The following CCDC187 variants were observed in gnomAD, a reference collection of about 807,000 sequenced individuals.
CCDC187 encodes the protein coiled-coil domain containing 187.
Under a neutral mutation model 38.0 loss-of-function variants are expected in CCDC187, and 32 were observed. The ratio of observed to expected loss-of-function variants is 0.84; its 90% CI spans 0.64 to 1.13. The LOEUF is 1.13. Ranked by LOEUF, CCDC187 falls within the 50% of genes most tolerant of loss-of-function variation. CCDC187 has a pLI of 0.00. For synonymous variants in CCDC187, 333 were observed against 347.9 expected (o/e 0.96, Z 0.48); for missense variants, 707 against 786.8 (o/e 0.90, Z 1.21).
intron 16 of CCDC187, chr9:136,266,767 G>C (rs886633974): frequency 6.6e-6 from 1 of 152,246 alleles, no homozygotes; most frequent in Non-Finnish European, 1.5e-5. Context: ...AGTTGAAATA[G>C]CCATGTGTGT....
rs1419199133 is a variant in CCDC187, at chr9:136,255,638, C to G, written c.4693+19G>C. The G allele has an allele frequency of 1.0e-6, 1 of 975,002 alleles. No individual in the cohort carries two copies. The highest frequency in any genetic ancestry group is 1.2e-6 in the Non-Finnish European group (1 of 820,782). 60.4% of individuals were successfully genotyped at this position (975,002 alleles called of 1,614,324 possible). A position where few individuals can be genotyped will look rare whatever the true frequency, so the allele number is the denominator to read the frequency against. On this transcript the variant is annotated intron_variant, in intron 25 of 25. Transcript: ENST00000638797. Reference sequence around the variant, plus strand: ...GGGGACTCGATGGCTGAAGGAGGGGCTGGGGGCTGGGGCATTACCTGGGGA... The same window carrying G: ...GGGGACTCGATGGCTGAAGGAGGGGGTGGGGGCTGGGGCATTACCTGGGGA...
intron 5 of CCDC187, 30 bp downstream of exon 5, chr9:136,292,131 G>A (rs1191860266): frequency 2.5e-6 from 1 of 398,598 alleles, no homozygotes; most frequent in African/African-American, 2.1e-5. Flanking sequence ...CAGCAGAGCA[G>A]GACAGAGCCC....
intron 9 of CCDC187, among the ~76,000 whole-genome samples, chr9:136,284,957 G>C (rs878975207): frequency 0.71 from 107,138 of 151,948 alleles, 39,099 homozygotes; most frequent in Non-Finnish European, 0.8. Flanking sequence ...CAGGCGCTGG[G>C]GTAGGGCAGA....
intron 4 of CCDC187, chr9:136,295,998 AG>A (rs1365070174): frequency 6.6e-6 from 1 of 152,154 alleles, no homozygotes; most frequent in African/African-American, 2.4e-5. Flanking sequence ...GTGGCCCCGC[AG>A]CCCCGCTGAG....
rs1010612372 is a variant in CCDC187, at chr9:136,286,107, G to A, written c.2811C>T (p.Ala937=). ...WEQQQSVSPR[A]HCESKPRGFP... ...TACCTCGGGGCTTGCTCTCGCAGTG[G>A]GCCCTCGGGCTCACACTCTGCTGTT... Residue 937 remains alanine, a synonymous_variant, in exon 8 of 26, where the codon GCC becomes GCT. Coordinates refer to ENST00000638797, the MANE Select transcript of CCDC187 (RefSeq NM_001378188.1). 5.0e-6 allele frequency: 2 copies of A among 398,536 alleles called. No individual in the cohort carries two copies. The highest frequency in any genetic ancestry group is 8.8e-6 in the Non-Finnish European group (2 of 225,994). The allele number at this position is 398,536 out of a possible 1,614,324, so 24.7% of individuals were successfully genotyped here. A position where few individuals can be genotyped will look rare whatever the true frequency, so the allele number is the denominator to read the frequency against.
intron 16 of CCDC187, 115 bp downstream of exon 16, chr9:136,267,269 G>C: frequency 1.4e-6 from 1 of 715,278 alleles, no homozygotes; most frequent in Non-Finnish European, 1.7e-6. Flanking sequence ...AAACGCTGTC[G>C]GGGCCACGGG....
chr9:136,273,827 A>G (rs1309403463), intron 14 of CCDC187, among the ~76,000 whole-genome samples: 1 of 152,266 alleles, frequency 6.6e-6, no homozygotes, highest in African/African-American at 2.4e-5. Context: ...CTAGGAATGC[A>G]CAGCAGGTGC....
At chr9:136,263,104 A>G (rs1715373139) in intron 18 of CCDC187, among the ~76,000 whole-genome samples, 1 of 151,436 alleles carries the variant, frequency 6.6e-6, no homozygotes, top group African/African-American at 2.4e-5. Context: ...CCCCACCTGA[A>G]GTCTGGCTCT....
rs782622153 is a variant in CCDC187, at chr9:136,264,762, T to C, written c.3736-964A>G. Among the ~76,000 whole-genome samples the C allele has an allele frequency of 2.8e-5, 3 of 108,938 alleles. No individual in the cohort carries two copies. Among genetic ancestry groups the C allele is most frequent in the Non-Finnish European group, 4.1e-5 (2 of 48,570 alleles). 71.5% of individuals were successfully genotyped at this position (108,938 alleles called of 152,430 possible). On this transcript the variant is annotated intron_variant, in intron 17 of 25. Transcript: ENST00000638797. The surrounding 1 kb of genome is among the most constrained non-coding windows in gnomAD (Gnocchi z 4.3). ...AAGTAGTCCCCCACCCCAGCTCACC[T>C]TTTTTTTTTTTGAAACAAGGTCTCA... is the stretch of plus-strand genomic sequence containing the variant.
rs782781247 is a variant in CCDC187 at position 136,254,535 on chromosome 9, C to T, written c.5293G>A (p.Asp1765Asn). 5 of 985,386 alleles carry T rather than the reference C, an allele frequency of 5.1e-6. No homozygotes were observed. The highest frequency in any genetic ancestry group is 4.7e-5 in the South Asian group (1 of 21,290). The allele number at this position is 985,386 out of a possible 1,614,324, so 61.0% of individuals were successfully genotyped here. Reference protein sequence around the residue: ...SEASSKVWEEDCEEDLPEPCT... With the variant: ...SEASSKVWEENCEEDLPEPCT... Reference sequence around the variant, plus strand: ...GGTTCTGGCAGGTCCTCCTCGCAGTCCTCCTCCCAAACTTTGCTGGAGGCC... The same window carrying T: ...GGTTCTGGCAGGTCCTCCTCGCAGTTCTCCTCCCAAACTTTGCTGGAGGCC... Residue 1765 changes from aspartate (D) to asparagine (N), a missense_variant, in exon 26 of 26, where the codon GAC (aspartate) becomes AAC (asparagine). By Grantham distance (23) the Asp-to-Asn change is conservative (BLOSUM62 1). Transcript: ENST00000638797.
Position 136,254,873 on chromosome 9 carries a change from A to C in CCDC187, c.4955T>G (p.Leu1652Trp). 1 of 985,470 alleles carries C rather than the reference A, an allele frequency of 1.0e-6. No individual in the cohort carries two copies. The highest frequency in any genetic ancestry group is 1.2e-6 in the Non-Finnish European group (1 of 829,960). The allele number at this position is 985,470 out of a possible 1,614,324, so 61.0% of individuals were successfully genotyped here. The change falls in exon 26 of 26, where the codon TTG becomes TGG. Residue 1652 changes from leucine to tryptophan, a missense_variant. Transcript: ENST00000638797. ...TTCGTCTGGGGAGTCTTCAGCTTCC[A>C]AGCTGGGAAGAGAGCTGGAGCTCCC... ...LSGSSSSLPS[L>W]EAEDSPDEGF... is the part of the protein sequence containing the mutation.
intron 4 of CCDC187, among the ~76,000 whole-genome samples, chr9:136,292,835 G>T (rs1831368507): frequency 6.6e-6 from 1 of 152,236 alleles, no homozygotes; most frequent in Non-Finnish European, 1.5e-5. Flanking sequence ...CGGGTGGGCA[G>T]CGGTGAAGGC....
chr9:136,292,639 C>T (rs919779191), intron 4 of CCDC187, among the ~76,000 whole-genome samples: 1 of 152,214 alleles, frequency 6.6e-6, no homozygotes, highest in African/African-American at 2.4e-5. Context: ...GGGCACGCAG[C>T]ACATGTGAAA....
upstream of CCDC187, among the ~76,000 whole-genome samples, chr9:136,304,865 G>A (rs994968065): frequency 6.6e-5 from 10 of 152,370 alleles, no homozygotes; most frequent in African/African-American, 1.9e-4. Context: ...AGTGGCCCCA[G>A]AGAAGGGAGG....
intron 19 of CCDC187, among the ~76,000 whole-genome samples, chr9:136,261,873 A>G (rs1351683383): frequency 1.3e-5 from 2 of 152,250 alleles, no homozygotes; most frequent in Admixed American, 1.3e-4. Flanking sequence ...TCGGCCCTCC[A>G]GGGCCATTTC....
At chr9:136,300,749 C>T (rs1242966771) in intron 2 of CCDC187, among the ~76,000 whole-genome samples, 1 of 152,210 alleles carries the variant, frequency 6.6e-6, no homozygotes, top group East Asian at 1.9e-4. Flanking sequence ...AGACGCCTGC[C>T]ACAACACCTG....
chr9:136,304,867 G>C (rs1464547974), upstream of CCDC187, among the ~76,000 whole-genome samples: 1 of 152,246 alleles, frequency 6.6e-6, no homozygotes, highest in Non-Finnish European at 1.5e-5. Context: ...TGGCCCCAGA[G>C]AAGGGAGGTC....
chr9:136,272,100 A>G (rs1463714621), intron 14 of CCDC187, among the ~76,000 whole-genome samples: 1 of 152,140 alleles, frequency 6.6e-6, no homozygotes, highest in Non-Finnish European at 1.5e-5. Context: ...CAGAGATGAG[A>G]TGAAGGTGTC....
In CCDC187 at chr9:136,260,728, C is replaced by T. The variant is rs144792691; in HGVS notation, c.4065-464G>A. ...ATCTGGGCACAGCTTGTTGCCTCCA[C>T]CCAAGGGTGCCCCTGAGCATTTCCC... On this transcript the variant is annotated intron_variant, in intron 19 of 25. Coordinates refer to ENST00000638797, the MANE Select transcript of CCDC187 (RefSeq NM_001378188.1). Among the ~76,000 whole-genome samples, 1,515 of 152,326 alleles carry T rather than the reference C, an allele frequency of 9.9e-3. 26 individuals carry two copies. Among genetic ancestry groups the T allele is most frequent in the African/African-American group, 0.035 (1,435 of 41,568 alleles).
Sources: allele counts gnomAD v4.1 joint callset (sites outside exome capture counted in the v4.1 genomes callset), GRCh38; gene constraint gnomAD v4.1.1; non-coding constraint Gnocchi (gnomAD v3.1); transcripts MANE v1.5; gene names NCBI Gene and HGNC (gene_info 2026-07-23, HGNC 2026-07-21).